The following PPFIA2 variants were observed in gnomAD, a reference collection of about 807,000 sequenced individuals.
The protein encoded by PPFIA2 is PPFI scaffold protein A2.
Under a neutral mutation model 175.5 loss-of-function variants are expected in PPFIA2, and 46 were observed. The observed-to-expected ratio is 0.26, with a 90% CI of 0.21 to 0.34. PPFIA2 has a LOEUF of 0.34. Among genes scored for constraint, PPFIA2 ranks in the 10% least tolerant of loss-of-function variants. The pLI, the probability that PPFIA2 is intolerant of heterozygous loss-of-function variation, is 1.00. For missense variants in PPFIA2, 1,179 were observed against 1,506.1 expected, an observed-to-expected ratio of 0.78 and a Z score of 3.60; for synonymous variants, 568 against 511.4, an observed-to-expected ratio of 1.11 and a Z score of -1.49.
chr12:81,370,303 T>C (rs2034733698), intron 11 of PPFIA2, among the ~76,000 whole-genome samples: 1 of 151,788 alleles, frequency 6.6e-6, no homozygotes, highest in African/African-American at 2.4e-5. Context: ...GGAAAACTTA[T>C]GAAATGACTT....
chr12:81,514,542 C>A (rs2062173798), intron 4 of PPFIA2, among the ~76,000 whole-genome samples: 1 of 151,734 alleles, frequency 6.6e-6, no homozygotes, highest in African/African-American at 2.4e-5. Flanking sequence ...AACTTTAGGA[C>A]ATTTTTGGAG....
chr12:81,663,209 A>C (rs2069315920), intron 4 of PPFIA2, among the ~76,000 whole-genome samples: 1 of 152,166 alleles, frequency 6.6e-6, no homozygotes, highest in Non-Finnish European at 1.5e-5. Flanking sequence ...CAGGAGGAGG[A>C]AATAAAGGGT....
intron 20 of PPFIA2, 104 bp from the exon 21 acceptor site, chr12:81,339,438 T>C (rs2057680441): frequency 1.1e-6 from 1 of 944,594 alleles, no homozygotes; most frequent in Non-Finnish European, 1.4e-6. Context: ...ACTTGTAATG[T>C]TGTTTTTTCC....
At position 81,717,959 on chromosome 12, in the gene PPFIA2, T is replaced by C. The variant is rs528988807; in HGVS notation, c.249+36014A>G. ...TCTGAAGTAGAAACTGTACCACAGT[T>C]AGCTGTACTCTGAGGCAAGGGGGCT... is the stretch of plus-strand genomic sequence containing the variant. On this transcript the variant is annotated intron_variant, in intron 3 of 32. Coordinates refer to ENST00000549396, the MANE Select transcript of PPFIA2 (RefSeq NM_003625.5). Among the ~76,000 whole-genome samples, 21 of 151,720 alleles carry C rather than the reference T, an allele frequency of 1.4e-4. No individual in the cohort carries two copies. The South Asian group carries it at 3.3e-3, about 24-fold the overall frequency.
intron 22 of PPFIA2, chr12:81,302,142 T>C (rs1566012735): frequency 4.9e-6 from 2 of 406,242 alleles, no homozygotes; most frequent in Admixed American, 3.0e-5. Flanking sequence ...TTGTGTCCTA[T>C]AATGTTTTGT....
chr12:81,299,747 A>AC (rs2047355006), intron 22 of PPFIA2, among the ~76,000 whole-genome samples: 1 of 152,162 alleles, frequency 6.6e-6, no homozygotes, highest in African/African-American at 2.4e-5. Flanking sequence ...TGTGGCTTCC[A>AC]CCATCTGCCC....
intron 4 of PPFIA2, among the ~76,000 whole-genome samples, chr12:81,605,114 G>A (rs116418486): frequency 0.04 from 6,138 of 151,670 alleles, 187 homozygotes; most frequent in African/African-American, 0.079. Context: ...TTATAATCCT[G>A]GAAAATAATT....
chr12:81,590,501 T>C (rs1402217647), intron 4 of PPFIA2, among the ~76,000 whole-genome samples: 1 of 152,214 alleles, frequency 6.6e-6, no homozygotes, highest in East Asian at 1.9e-4. Context: ...TATTTATCTA[T>C]TTATTTATTT....
chr12:81,462,585 C>CATATAT (rs71098145), intron 4 of PPFIA2, among the ~76,000 whole-genome samples: 4,485 of 124,558 alleles, frequency 0.036, 103 homozygotes, highest in African/African-American at 0.054. Flanking sequence ...TATATATATA[C>CATATAT]ATATATATAT....
chr12:81,643,626 G>A (rs1396892320), intron 4 of PPFIA2, among the ~76,000 whole-genome samples: 1 of 152,030 alleles, frequency 6.6e-6, no homozygotes, highest in Non-Finnish European at 1.5e-5. Context: ...TGATGTGACA[G>A]TGAGATGGTT....
At chr12:81,685,019 A>T (rs2074228426) in intron 3 of PPFIA2, among the ~76,000 whole-genome samples, 1 of 152,082 alleles carries the variant, frequency 6.6e-6, no homozygotes, top group Non-Finnish European at 1.5e-5. Flanking sequence ...TTGACCTAAC[A>T]TGTATGTCTG....
chr12:81,267,799 AT>A, intron 29 of PPFIA2, 112 bp downstream of exon 29: 1 of 878,618 alleles, frequency 1.1e-6, no homozygotes, highest in East Asian at 3.3e-5. Flanking sequence ...TATTTCAAAC[AT>A]TGAGTTAACT....
At chr12:81,608,054 C>T (rs1244835402) in intron 4 of PPFIA2, among the ~76,000 whole-genome samples, 1 of 151,866 alleles carries the variant, frequency 6.6e-6, no homozygotes, top group Non-Finnish European at 1.5e-5. Flanking sequence ...GAGATGATCA[C>T]ATTGTTTTTG....
chr12:81,743,316 C>T (rs1297998631), intron 3 of PPFIA2, among the ~76,000 whole-genome samples: 1 of 139,122 alleles, frequency 7.2e-6, no homozygotes, highest in Non-Finnish European at 1.5e-5. Flanking sequence ...ACTGGGGAGG[C>T]TGAGGCAGGA....
intron 4 of PPFIA2, among the ~76,000 whole-genome samples, chr12:81,597,744 AT>A (rs5799543): frequency 0.9 from 135,374 of 150,780 alleles, 60,961 homozygotes; most frequent in East Asian, 1. Flanking sequence ...TGTGTTCACT[AT>A]TTTTTTTTTT....
At chr12:81,689,589 G>A (rs1482298933) in intron 3 of PPFIA2, among the ~76,000 whole-genome samples, 1 of 151,914 alleles carries the variant, frequency 6.6e-6, no homozygotes. Flanking sequence ...ATTTAGAGTC[G>A]ATCATAGAAC....
At chr12:81,484,946 CAATAT>C (rs773886617) in intron 4 of PPFIA2, among the ~76,000 whole-genome samples, 30 of 151,546 alleles carry the variant, frequency 2.0e-4, no homozygotes, top group East Asian at 1.6e-3. Context: ...ATAAAATTAA[CAATAT>C]AATATATAGC....
chr12:81,690,433 G>T (rs925719990), intron 3 of PPFIA2, among the ~76,000 whole-genome samples: 3 of 151,974 alleles, frequency 2.0e-5, no homozygotes, highest in Non-Finnish European at 2.9e-5. Context: ...TGAATTTCAG[G>T]ATTTTTCGCA....
intron 21 of PPFIA2, among the ~76,000 whole-genome samples, chr12:81,333,435 T>A (rs866847784): frequency 6.6e-6 from 1 of 152,136 alleles, no homozygotes; most frequent in Non-Finnish European, 1.5e-5. Context: ...TGCCTAATTT[T>A]CTCCTCCAAC....
Sources: allele counts gnomAD v4.1 joint callset (sites outside exome capture counted in the v4.1 genomes callset), GRCh38; gene constraint gnomAD v4.1.1; transcripts MANE v1.5; gene names NCBI Gene and HGNC (gene_info 2026-07-23, HGNC 2026-07-21).